EBF2: variants seen among roughly 807,000 people sequenced by gnomAD.
The protein encoded by EBF2 is EBF transcription factor 2, also known as transcription factor COE2.
A neutral mutation model predicts 72.8 loss-of-function variants in EBF2; 21 were observed. The ratio of observed to expected loss-of-function variants is 0.29; its 90% CI spans 0.20 to 0.42. The LOEUF (loss-of-function observed/expected upper bound fraction) is 0.42. Ranked by LOEUF, EBF2 falls within the 10% of genes least tolerant of loss-of-function variation. The pLI is 1.00. For missense variants in EBF2, 637 were observed against 731.2 expected, an observed-to-expected ratio of 0.87 and a Z score of 1.49; for synonymous variants, 299 against 274.2, an observed-to-expected ratio of 1.09 and a Z score of -0.89.
rs148750682 is a variant in EBF2 at position 26,038,612 on chromosome 8, A to G, written c.482+1416T>C. On this transcript the variant is annotated intron_variant, in intron 5 of 15. Transcript: ENST00000520164. ...CTAACCAACCTAATCAAAGCGTTCT[A>G]TTTAAATCTAGGTATTATATGAACT... Among the ~76,000 whole-genome samples, 5 of 152,366 alleles carry G rather than the reference A, an allele frequency of 3.3e-5. No individual in the cohort carries two copies. In the East Asian group the frequency reaches 9.6e-4, roughly 29 times the overall value.
In EBF2 at chr8:25,889,812, T is replaced by C. The variant is rs546062463; in HGVS notation, c.691A>G (p.Met231Val). The C allele has an allele frequency of 6.2e-7, 1 of 1,614,082 alleles. No individual in the cohort carries two copies. Among genetic ancestry groups the C allele is most frequent in the African/African-American group, 1.3e-5 (1 of 75,036 alleles). ...TGCTTGGAGTTGTTATGAACAAACA[T>C]GTTGTCAGAAACAGCCAGGACGTGT... ...DGHVLAVSDN[M>V]FVHNNSKHGR... The change falls in exon 8 of 16, where the codon ATG (methionine) becomes GTG (valine). Residue 231 changes from methionine (M) to valine (V), a missense_variant. This residue lies in a region of EBF2 where 204 missense variants were observed against 301.2 expected (regional missense o/e 0.68). Transcript: ENST00000520164.
intron 6 of EBF2, among the ~76,000 whole-genome samples, chr8:25,999,921 A>G (rs1804696106): frequency 1.3e-5 from 2 of 152,122 alleles, no homozygotes. Flanking sequence ...AGTCTCTGAA[A>G]TGTATCTAGC....
chr8:25,947,717 G>A (rs918514013), intron 6 of EBF2, among the ~76,000 whole-genome samples: 15 of 152,178 alleles, frequency 9.9e-5, no homozygotes, highest in Non-Finnish European at 1.5e-4. Context: ...CATGCACAAG[G>A]AGAATATGTT....
At chr8:25,967,690 T>C (rs1029299975) in intron 6 of EBF2, among the ~76,000 whole-genome samples, 10 of 152,192 alleles carry the variant, frequency 6.6e-5, no homozygotes, top group African/African-American at 1.9e-4. Flanking sequence ...TGAGGATGCA[T>C]TGAAGGACTA....
At chr8:26,038,873 A>G (rs767413851) in intron 5 of EBF2, among the ~76,000 whole-genome samples, 1 of 152,206 alleles carries the variant, frequency 6.6e-6, no homozygotes, top group Non-Finnish European at 1.5e-5. Flanking sequence ...GGGGAGGGAG[A>G]CAGGGCTTCA....
chr8:25,852,212 A>C (rs759383354), intron 14 of EBF2, among the ~76,000 whole-genome samples: 1 of 152,222 alleles, frequency 6.6e-6, no homozygotes, highest in African/African-American at 2.4e-5. Context: ...GGGCTAATTC[A>C]CATAATAAGG....
intron 7 of EBF2, among the ~76,000 whole-genome samples, chr8:25,894,320 C>T (rs573121576): frequency 6.6e-6 from 1 of 152,326 alleles, no homozygotes; most frequent in South Asian, 2.1e-4. Context: ...TACTGATGAA[C>T]AGTGACAACA....
At chr8:25,856,223 T>C (rs1802087289) in intron 14 of EBF2, among the ~76,000 whole-genome samples, 1 of 152,258 alleles carries the variant, frequency 6.6e-6, no homozygotes, top group Non-Finnish European at 1.5e-5. Flanking sequence ...ATCATTTTTA[T>C]GTACAAAAAC....
intron 8 of EBF2, 77 bp from the exon 9 acceptor site, chr8:25,888,049 GGAA>G (rs1444703564): frequency 1.4e-5 from 21 of 1,484,934 alleles, no homozygotes; most frequent in East Asian, 2.3e-5. Flanking sequence ...GGCCCACATT[GGAA>G]GAAGAATTGT....
intron 6 of EBF2, among the ~76,000 whole-genome samples, chr8:25,969,948 A>G (rs952696920): frequency 6.6e-6 from 1 of 152,204 alleles, no homozygotes; most frequent in Non-Finnish European, 1.5e-5. Context: ...TGCCTGATGC[A>G]TGGCAAATGT....
chr8:25,853,827 A>C (rs1802031021), intron 14 of EBF2, among the ~76,000 whole-genome samples: 1 of 117,830 alleles, frequency 8.5e-6, no homozygotes, highest in Non-Finnish European at 1.7e-5. Flanking sequence ...GGAAATATAC[A>C]CCTCTTCAGA....
intron 6 of EBF2, among the ~76,000 whole-genome samples, chr8:26,006,117 C>T (rs1180339258): frequency 6.6e-6 from 1 of 152,110 alleles, no homozygotes; most frequent in East Asian, 1.9e-4. Context: ...AAGGCAGGTC[C>T]TCAGAAAGCT....
rs937302615 is a variant in EBF2, at chr8:26,012,136, T to G, written c.551+20949A>C. On this transcript the variant is annotated intron_variant, in intron 6 of 15. Coordinates refer to ENST00000520164, the MANE Select transcript of EBF2 (RefSeq NM_022659.4). ...AAGTGTATCATTTCCCTAGAGTTCC[T>G]GTGTCACAGATTTTTGTTAAAGGAA... is the stretch of plus-strand genomic sequence containing the variant. Among the ~76,000 whole-genome samples, 4 of 152,326 alleles carry G rather than the reference T, an allele frequency of 2.6e-5. No homozygotes were observed. The South Asian group carries it at 8.3e-4, about 32-fold the overall frequency.
chr8:25,877,524 C>T (rs141573616), intron 10 of EBF2, among the ~76,000 whole-genome samples: 1 of 152,234 alleles, frequency 6.6e-6, no homozygotes, highest in Non-Finnish European at 1.5e-5. Flanking sequence ...TTTTTCAGAG[C>T]CCCGATGTTG....
rs954882259 is a variant in EBF2 at position 25,947,066 on chromosome 8, C to T, written c.552-38511G>A. Among the ~76,000 whole-genome samples, 16 of 152,222 alleles carry T rather than the reference C, an allele frequency of 1.1e-4. 3 individuals are homozygous for T. The highest frequency in any genetic ancestry group is 9.2e-4 in the Admixed American group (14 of 15,296). On this transcript the variant is annotated intron_variant, in intron 6 of 15. Coordinates refer to ENST00000520164, the MANE Select transcript of EBF2 (RefSeq NM_022659.4). ...TGGTCCCCTAGTTTTTTTGTCCTGC[C>T]TCCAGGCTGTCTCCCCGATGCTCAA...
rs140046711 is a variant in EBF2 at position 25,976,353 on chromosome 8, G to A, written c.551+56732C>T. On this transcript the variant is annotated intron_variant, in intron 6 of 15. Transcript: ENST00000520164. ...AATAGATGGTTATTAAGCACTGCTC[G>A]ACTATTAAGCTTTCTAACTTCCATA... is the stretch of plus-strand genomic sequence containing the variant. Among the ~76,000 whole-genome samples, 248 of 152,218 alleles carry A rather than the reference G, an allele frequency of 1.6e-3. 1 individual carries two copies. The highest frequency in any genetic ancestry group is 4.6e-3 in the African/African-American group (190 of 41,516).
chr8:25,905,993 C>T (rs1416277433), intron 7 of EBF2, among the ~76,000 whole-genome samples: 1 of 152,158 alleles, frequency 6.6e-6, no homozygotes, highest in Non-Finnish European at 1.5e-5. Context: ...AATTCTATAT[C>T]ATTTTGAGAT....
intron 1 of EBF2, among the ~76,000 whole-genome samples, chr8:26,042,487 G>A (rs541948565): frequency 6.6e-6 from 1 of 152,174 alleles, no homozygotes; most frequent in South Asian, 2.1e-4. Flanking sequence ...ACACCACCAA[G>A]TGGTCCGGCA....
At chr8:25,921,276 T>G (rs1008610056) in intron 6 of EBF2, among the ~76,000 whole-genome samples, 8 of 152,230 alleles carry the variant, frequency 5.3e-5, no homozygotes, top group Non-Finnish European at 1.2e-4. Flanking sequence ...ATATTACTCA[T>G]AGTAGAGTCA....
Sources: gnomAD v4.1 joint callset for allele counts (sites outside exome capture counted in the v4.1 genomes callset) on GRCh38, gnomAD v4.1.1 for gene constraint, gnomAD v4.1.1 regional missense constraint, MANE v1.5 for transcripts, NCBI Gene and HGNC (gene_info 2026-07-23, HGNC 2026-07-21) for gene names.